NPAS3: variants seen among roughly 807,000 people sequenced by gnomAD.
NPAS3 encodes neuronal PAS domain-containing protein 3.
In NPAS3, 14 loss-of-function variants were observed where a neutral mutation model predicts 73.1. The observed-to-expected ratio is 0.19, with a 90% confidence interval of 0.13 to 0.30. The LOEUF is 0.30. Among genes scored for constraint, NPAS3 ranks in the 10% least tolerant of loss-of-function variants. The pLI is 1.00. For missense variants in NPAS3, 1,096 were observed against 1,250.0 expected (o/e 0.88, Z 1.86); for synonymous variants, 620 against 541.5 (o/e 1.14, Z -2.01).
chr14:33,147,921 G>A (rs542590373), intron 2 of NPAS3, among the ~76,000 whole-genome samples: 1 of 151,780 alleles, frequency 6.6e-6, no homozygotes, highest in East Asian at 1.9e-4. Flanking sequence ...TTGAAAGAAA[G>A]CTTTTGTACA....
chr14:33,354,048 G>A (rs1033051278), intron 3 of NPAS3, among the ~76,000 whole-genome samples: 3 of 152,122 alleles, frequency 2.0e-5, no homozygotes, highest in Non-Finnish European at 4.4e-5. Context: ...ATAGTGTGTT[G>A]CTTATTTCTC....
rs146276721 is a variant in NPAS3 at position 33,392,912 on chromosome 14, G to A, written c.468+25644G>A. ...TTAACAGCAGAGGTGATCCTCTCAT[G>A]GCCATGGCTATGGACTGTGATCTGC... On this transcript the variant is annotated intron_variant, in intron 4 of 11. Coordinates refer to ENST00000356141, the Ensembl canonical transcript of NPAS3. Among the ~76,000 whole-genome samples the A allele has an allele frequency of 9.9e-5, 15 of 152,116 alleles. No homozygotes were observed. In the East Asian group the frequency reaches 2.9e-3, roughly 29 times the overall value.
intron 2 of NPAS3, among the ~76,000 whole-genome samples, chr14:33,122,146 G>T (rs2139042111): frequency 6.6e-6 from 1 of 151,994 alleles, no homozygotes; most frequent in South Asian, 2.1e-4. Flanking sequence ...CTTAGAAACA[G>T]CACTGGGCTG....
intron 4 of NPAS3, among the ~76,000 whole-genome samples, chr14:33,554,076 A>G (rs1432230075): frequency 6.6e-6 from 1 of 152,214 alleles, no homozygotes; most frequent in Non-Finnish European, 1.5e-5. Flanking sequence ...AAGATAGGCA[A>G]TGGAGTCCTG....
At chr14:33,211,087 T>C (rs916955837) in intron 2 of NPAS3, among the ~76,000 whole-genome samples, 31 of 152,326 alleles carry the variant, frequency 2.0e-4, no homozygotes, top group African/African-American at 7.0e-4. Context: ...TCAGGCACCA[T>C]TGTAAAGATC....
In NPAS3 at chr14:33,253,732, G is replaced by A. The variant is rs564453164; in HGVS notation, c.385+38306G>A. ...GGTTTCTGTTACTCTGGCATGCCTT[G>A]ACTGGGTGATCTCATTCTGTTCTGT... On this transcript the variant is annotated intron_variant, in intron 3 of 11. Coordinates refer to ENST00000356141, the Ensembl canonical transcript of NPAS3. Among the ~76,000 whole-genome samples, 3 of 151,974 alleles carry A rather than the reference G, an allele frequency of 2.0e-5. No individual in the cohort carries two copies. In the South Asian group the frequency reaches 6.2e-4, roughly 32 times the overall value.
At chr14:33,592,531 T>C (rs936528541) in intron 5 of NPAS3, among the ~76,000 whole-genome samples, 1 of 152,082 alleles carries the variant, frequency 6.6e-6, no homozygotes, top group African/African-American at 2.4e-5. Flanking sequence ...CAGACTATGA[T>C]GAATGAGTAA....
intron 2 of NPAS3, among the ~76,000 whole-genome samples, chr14:33,120,434 T>G (rs1001838689): frequency 1.3e-5 from 2 of 152,158 alleles, no homozygotes; most frequent in Non-Finnish European, 2.9e-5. Flanking sequence ...TAGTCTGTTC[T>G]CATTCACTGC....
At chr14:33,734,801 C>G (rs1038132988) in intron 6 of NPAS3, among the ~76,000 whole-genome samples, 1 of 152,142 alleles carries the variant, frequency 6.6e-6, no homozygotes, top group African/African-American at 2.4e-5. Flanking sequence ...TCGGGGAGAA[C>G]AAAGAGCAAG....
At chr14:33,401,328 A>G (rs147296924) in intron 4 of NPAS3, among the ~76,000 whole-genome samples, 37 of 152,250 alleles carry the variant, frequency 2.4e-4, no homozygotes, top group Middle Eastern at 3.4e-3. Flanking sequence ...TCAATCACAG[A>G]TCTCAGTAAC....
At chr14:33,064,885 C>G (rs918713430) in intron 2 of NPAS3, among the ~76,000 whole-genome samples, 1 of 152,120 alleles carries the variant, frequency 6.6e-6, no homozygotes, top group Non-Finnish European at 1.5e-5. Context: ...TCCATACACA[C>G]CTGACTCGGC....
chr14:32,972,228 G>A (rs1057117403), intron 1 of NPAS3, among the ~76,000 whole-genome samples: 21 of 151,632 alleles, frequency 1.4e-4, no homozygotes, highest in South Asian at 2.1e-4. Context: ...GTGAGCCACC[G>A]CGCCTGGCCA....
chr14:33,198,022 G>T (rs2046441752), intron 2 of NPAS3, among the ~76,000 whole-genome samples: 1 of 152,142 alleles, frequency 6.6e-6, no homozygotes, highest in Non-Finnish European at 1.5e-5. Context: ...GACCTTCACG[G>T]TGAGTATTAC....
chr14:33,393,469 A>C (rs972680679), intron 4 of NPAS3, among the ~76,000 whole-genome samples: 1 of 152,132 alleles, frequency 6.6e-6, no homozygotes, highest in Non-Finnish European at 1.5e-5. Flanking sequence ...TTAGGTCCGG[A>C]GCCTCCTGCT....
chr14:32,938,791 G>T (rs1482473275), upstream of NPAS3, among the ~76,000 whole-genome samples: 1 of 148,026 alleles, frequency 6.8e-6, no homozygotes, highest in Non-Finnish European at 1.5e-5. Context: ...GAGGCGGCGG[G>T]GCCCTGGGCC....
chr14:33,525,046 A>G (rs1456300780), intron 4 of NPAS3, among the ~76,000 whole-genome samples: 2 of 152,218 alleles, frequency 1.3e-5, no homozygotes, highest in African/African-American at 4.8e-5. Context: ...AATTCAACCC[A>G]TAATAGTACA....
chr14:33,467,444 A>G (rs1381217170), intron 4 of NPAS3, among the ~76,000 whole-genome samples: 1 of 152,228 alleles, frequency 6.6e-6, no homozygotes, highest in East Asian at 1.9e-4. Context: ...TTAAACTACT[A>G]TACACTGGAG....
intron 2 of NPAS3, among the ~76,000 whole-genome samples, chr14:33,158,980 T>C (rs1469275123): frequency 6.6e-6 from 1 of 152,048 alleles, no homozygotes; most frequent in Admixed American, 6.5e-5. Flanking sequence ...CTGGCCAATG[T>C]GGTGAAACAC....
At chr14:33,096,589 A>G (rs80031334) in intron 2 of NPAS3, among the ~76,000 whole-genome samples, 4,077 of 152,282 alleles carry the variant, frequency 0.027, 67 homozygotes, top group Non-Finnish European at 0.04. Flanking sequence ...CTGTGCCTCA[A>G]TTTCCTTGTA....
Sources: allele counts gnomAD v4.1 joint callset (sites outside exome capture counted in the v4.1 genomes callset), GRCh38; gene constraint gnomAD v4.1.1; transcripts MANE v1.5; gene names NCBI Gene and HGNC (gene_info 2026-07-23, HGNC 2026-07-21).